STIL: variants seen among roughly 807,000 people sequenced by gnomAD.
STIL encodes SCL-interrupting locus protein.
Under a neutral mutation model 110.1 loss-of-function variants are expected in STIL, and 55 were observed. The ratio of observed to expected loss-of-function variants is 0.50; its 90% CI spans 0.40 to 0.63. The LOEUF (loss-of-function observed/expected upper bound fraction) is 0.63. Ranked by LOEUF, STIL falls within the 20% of genes least tolerant of loss-of-function variation. The pLI is 0.00. For synonymous variants in STIL, 481 were observed against 530.0 expected (o/e 0.91, Z 1.27); for missense variants, 1,358 against 1,530.0 (o/e 0.89, Z 1.87).
intron 16 of STIL, among the ~76,000 whole-genome samples, chr1:47,256,449 C>T (rs1213474689): frequency 1.3e-5 from 2 of 151,684 alleles, no homozygotes; most frequent in African/African-American, 4.8e-5. Flanking sequence ...AGTGAAACCC[C>T]GTCTCTACTA....
intron 12 of STIL, among the ~76,000 whole-genome samples, 200 bp downstream of exon 12, chr1:47,280,041 G>A (rs931806283): frequency 1.3e-5 from 2 of 152,134 alleles, no homozygotes; most frequent in Non-Finnish European, 2.9e-5. Context: ...AACTAGCAAC[G>A]TGGCATTGGG....
In STIL at chr1:47,289,453, T is replaced by C. The variant is rs149296029; in HGVS notation, c.1005A>G (p.Glu335=). 1.5e-4 allele frequency: 238 copies of C among 1,613,836 alleles called. No homozygotes were observed. The Middle Eastern group carries it at 1.6e-3, about 11-fold the overall frequency. Residue 335 remains glutamate, a synonymous_variant, in exon 9 of 17, where the codon GAA becomes GAG. Transcript: ENST00000371877. ...DFRFQLLTSK[E]TLHLFKNVEP... is the part of the protein sequence containing the mutation. ...CACTTACTTTGAAAAGATGTAATGT[T>C]TCCTTACTGGTTAGCAACTGAAACC...
intron 9 of STIL, among the ~76,000 whole-genome samples, chr1:47,289,061 C>CAAAAAAAAA (rs371944423): frequency 2.0e-4 from 17 of 83,476 alleles, no homozygotes; most frequent in Non-Finnish European, 2.4e-4. Context: ...GATTCCATCT[C>CAAAAAAAAA]AAAAAAAAAA....
At chr1:47,278,390 A>G (rs1352095574) in intron 12 of STIL, among the ~76,000 whole-genome samples, 1 of 152,112 alleles carries the variant, frequency 6.6e-6, no homozygotes, top group Non-Finnish European at 1.5e-5. Flanking sequence ...GGAAAATACT[A>G]TATGTATTTA....
intron 7 of STIL, among the ~76,000 whole-genome samples, chr1:47,294,590 TGGGA>T (rs1220802582): frequency 6.6e-6 from 1 of 152,112 alleles, no homozygotes; most frequent in African/African-American, 2.4e-5. Context: ...GAGGCTGAGG[TGGGA>T]GGATCACCTG....
Position 47,261,258 on chromosome 1 carries a change from C to G in STIL, c.2830-719G>C, listed in dbSNP as rs187106136. 3.5e-3 allele frequency among the ~76,000 whole-genome samples: 525 copies of G among 148,936 alleles called. 2 individuals carry two copies. The highest frequency in any genetic ancestry group is 5.7e-3 in the Non-Finnish European group (386 of 67,132). ...CAAAAATTAGCCGGGTGTGGTGGCACGTACCTGTGGTCCCGGCTATTTGGG... is the reference window on the plus strand; with the variant it reads ...CAAAAATTAGCCGGGTGTGGTGGCAGGTACCTGTGGTCCCGGCTATTTGGG... On this transcript the variant is annotated intron_variant, in intron 15 of 16. Transcript: ENST00000371877.
chr1:47,271,977 C>A, intron 13 of STIL, 99 bp downstream of exon 13: 1 of 1,335,072 alleles, frequency 7.5e-7, no homozygotes, highest in Non-Finnish European at 1.0e-6. Context: ...GGTTTTGGTC[C>A]TACTGCACCA....
At chr1:47,284,269 A>T (rs1411785355) in intron 10 of STIL, among the ~76,000 whole-genome samples, 3 of 152,206 alleles carry the variant, frequency 2.0e-5, no homozygotes, top group Admixed American at 6.5e-5. Context: ...TAACAACAGT[A>T]CTTTAGGAGA....
In STIL at chr1:47,290,363, A is replaced by G. The variant is rs151096317; in HGVS notation, c.873-778T>C. ...ATCATCAATATGTGTTTCTCTATGT[A>G]TTTTACATTATATATATAGAGAGAG... On this transcript the variant is annotated intron_variant, in intron 8 of 16. Transcript: ENST00000371877. Among the ~76,000 whole-genome samples the G allele has an allele frequency of 5.2e-3, 788 of 152,354 alleles. 7 individuals are homozygous for G. Among genetic ancestry groups the G allele is most frequent in the African/African-American group, 0.018 (748 of 41,590 alleles).
chr1:47,252,024 T>A, intron 16 of STIL, 102 bp from the exon 17 acceptor site: 1 of 1,231,180 alleles, frequency 8.1e-7, no homozygotes, highest in Non-Finnish European at 1.1e-6. Context: ...TCTTCAGCTT[T>A]AAGTTCATGG....
At chr1:47,293,351 T>C (rs1570230838) in intron 8 of STIL, 107 bp downstream of exon 8, 2 of 849,434 alleles carry the variant, frequency 2.4e-6, no homozygotes, top group East Asian at 5.1e-5. Context: ...TGTTTATTTA[T>C]AAGTATTGTA....
rs949909917 is a variant in STIL at position 47,262,797 on chromosome 1, T to C, written c.2829+106A>G. ...TACATTGTTAATTAGACAAAAAATC[T>C]TTTTATCTTAAGGTCTCAATCAGTT... On this transcript the variant is annotated intron_variant, in intron 15 of 16. Transcript: ENST00000371877. The C allele has an allele frequency of 2.5e-5, 26 of 1,027,790 alleles. No individual in the cohort carries two copies. In the Admixed American group the frequency reaches 3.7e-4, roughly 15 times the overall value. The allele number at this position is 1,027,790 out of a possible 1,614,324, so 63.7% of individuals were successfully genotyped here. A position where few individuals can be genotyped will look rare whatever the true frequency, so the allele number is the denominator to read the frequency against.
intron 7 of STIL, among the ~76,000 whole-genome samples, chr1:47,293,771 T>A (rs1035935446): frequency 6.6e-6 from 1 of 151,898 alleles, no homozygotes. Flanking sequence ...TAGATATATA[T>A]CGAGAGAGAG....
intron 13 of STIL, among the ~76,000 whole-genome samples, chr1:47,271,358 G>A (rs572140215): frequency 1.3e-5 from 2 of 151,802 alleles, no homozygotes; most frequent in Non-Finnish European, 2.9e-5. Flanking sequence ...TGGATCATGC[G>A]GTCAGGAGTT....
intron 16 of STIL, among the ~76,000 whole-genome samples, chr1:47,258,992 C>CTTTTTTTCTTTTTT (rs1644398993): frequency 1.1e-5 from 1 of 94,402 alleles, no homozygotes; most frequent in African/African-American, 4.6e-5. Flanking sequence ...AGTAACTTTG[C>CTTTTTTTCTTTTTT]TTTTTTTTTT....
chr1:47,299,823 T>C (rs950426767), intron 6 of STIL, 82 bp downstream of exon 6: 5 of 1,429,496 alleles, frequency 3.5e-6, no homozygotes, highest in Non-Finnish European at 3.9e-6. Flanking sequence ...ATAAATTGAC[T>C]GGACAATTCT....
intron 16 of STIL, among the ~76,000 whole-genome samples, chr1:47,259,222 G>A (rs576773580): frequency 6.1e-5 from 9 of 148,372 alleles, no homozygotes; most frequent in South Asian, 4.3e-4. Context: ...TCCTGACCTC[G>A]TGATCCGCCC....
In STIL at chr1:47,305,280, C is replaced by G. The variant is rs903350220; in HGVS notation, c.45-284G>C. 6 of 311,134 alleles carry G rather than the reference C, an allele frequency of 1.9e-5. No individual in the cohort carries two copies. The Admixed American group carries it at 2.3e-4, about 12-fold the overall frequency. 19.3% of individuals were successfully genotyped at this position (311,134 alleles called of 1,614,324 possible). On this transcript the variant is annotated intron_variant, in intron 2 of 16. Transcript: ENST00000371877. ...AGCTGAGATTACAGGAGTGCACCAC[C>G]ACACCCGGCTACTTTTTGTATTTTT...
Position 47,251,813 on chromosome 1 carries a change from C to T in STIL, c.3190G>A (p.Glu1064Lys). The T allele has an allele frequency of 6.2e-7, 1 of 1,610,060 alleles. No individual in the cohort carries two copies. Among genetic ancestry groups the T allele is most frequent in the Non-Finnish European group, 8.5e-7 (1 of 1,177,758 alleles). ...LSPNGVDLSM[E>K]ANAIALKYLN... is the part of the protein sequence containing the mutation. ...TATTTCAGAGCTATAGCATTTGCCT[C>T]CATGCTCAAATCCACACCATTGGGG... is the stretch of plus-strand genomic sequence containing the variant. The change falls in exon 17 of 17, where the codon GAG becomes AAG. Residue 1064 changes from glutamate (E) to lysine (K), a missense_variant. Coordinates refer to ENST00000371877, the MANE Select transcript of STIL (RefSeq NM_001048166.1).
Sources: gnomAD v4.1 joint callset for allele counts (sites outside exome capture counted in the v4.1 genomes callset) on GRCh38, gnomAD v4.1.1 for gene constraint, MANE v1.5 for transcripts, NCBI Gene and HGNC (gene_info 2026-07-23, HGNC 2026-07-21) for gene names.